Variants in GALNT10 observed in about 807,000 individuals in gnomAD.
The protein encoded by GALNT10 is GalNAc transferase 10.
A neutral mutation model predicts 75.0 loss-of-function variants in GALNT10; 41 were observed. The ratio of observed to expected loss-of-function variants is 0.55; its 90% confidence interval spans 0.43 to 0.71. The LOEUF is 0.71. GALNT10 is among the 30% of genes least tolerant of loss of function. GALNT10 has a pLI of 0.00. For synonymous variants in GALNT10, 302 were observed against 313.0 expected, an observed-to-expected ratio of 0.96 and a Z score of 0.37; for missense variants, 727 against 818.5, an observed-to-expected ratio of 0.89 and a Z score of 1.36.
chr5:154,294,976 TTG>T (rs70978534), intron 2 of GALNT10, 58 bp downstream of exon 2: 51,278 of 596,282 alleles, frequency 0.086, 95 homozygotes, highest in East Asian at 0.19. Flanking sequence ...GCACATATGC[TTG>T]TGTGTGTGTG....
At chr5:154,279,122 A>C (rs1753998156) in intron 1 of GALNT10, among the ~76,000 whole-genome samples, 1 of 152,184 alleles carries the variant, frequency 6.6e-6, no homozygotes, top group Non-Finnish European at 1.5e-5. Flanking sequence ...GAAACCACAA[A>C]AGTTTTTAAC....
intron 6 of GALNT10, among the ~76,000 whole-genome samples, chr5:154,381,107 GGTCT>G (rs1488561162): frequency 9.9e-5 from 15 of 152,202 alleles, no homozygotes; most frequent in African/African-American, 3.1e-4. Flanking sequence ...TACAAATGCA[GGTCT>G]GTCTGTCTGC....
chr5:154,334,987 C>G (rs1422068527), intron 4 of GALNT10, among the ~76,000 whole-genome samples: 1 of 152,198 alleles, frequency 6.6e-6, no homozygotes, highest in Non-Finnish European at 1.5e-5. Context: ...CCCCATCCCT[C>G]TTTGCATTTC....
At chr5:154,404,485 C>A in intron 8 of GALNT10, among the ~76,000 whole-genome samples, 1 of 152,270 alleles carries the variant, frequency 6.6e-6, no homozygotes, top group East Asian at 1.9e-4. Context: ...CCCAGCATTG[C>A]CAGGAGAATT....
chr5:154,363,307 C>T (rs899762205), intron 4 of GALNT10, among the ~76,000 whole-genome samples: 1 of 151,474 alleles, frequency 6.6e-6, no homozygotes, highest in African/African-American at 2.4e-5. Context: ...TTCAAAAATG[C>T]ATCATATTTA....
At chr5:154,401,506 A>T (rs534940082) in intron 7 of GALNT10, among the ~76,000 whole-genome samples, 1 of 152,334 alleles carries the variant, frequency 6.6e-6, no homozygotes, top group East Asian at 1.9e-4. Flanking sequence ...CGCCTGATCA[A>T]TATCTCCTGC....
intron 1 of GALNT10, among the ~76,000 whole-genome samples, chr5:154,196,457 A>C (rs928701267): frequency 3.9e-5 from 6 of 152,152 alleles, no homozygotes; most frequent in African/African-American, 1.4e-4. Context: ...CTGTGACTGT[A>C]GTTGGCTTCA....
At chr5:154,279,045 G>A (rs892480218) in intron 1 of GALNT10, among the ~76,000 whole-genome samples, 1 of 152,090 alleles carries the variant, frequency 6.6e-6, no homozygotes, top group Non-Finnish European at 1.5e-5. Context: ...CCTGCTTTCA[G>A]TTCTTTTAGA....
At chr5:154,251,568 A>G (rs1343979659) in intron 1 of GALNT10, among the ~76,000 whole-genome samples, 2 of 152,186 alleles carry the variant, frequency 1.3e-5, no homozygotes, top group Non-Finnish European at 2.9e-5. Flanking sequence ...CCATGTTTCT[A>G]CACCAGGAGG....
At chr5:154,195,855 A>G (rs904114558) in intron 1 of GALNT10, among the ~76,000 whole-genome samples, 1 of 152,140 alleles carries the variant, frequency 6.6e-6, no homozygotes, top group Non-Finnish European at 1.5e-5. Flanking sequence ...GCTGGAACCT[A>G]TCTGGCTATT....
At chr5:154,197,329 ACTT>A (rs1350934449) in intron 1 of GALNT10, among the ~76,000 whole-genome samples, 2 of 152,112 alleles carry the variant, frequency 1.3e-5, no homozygotes, top group Non-Finnish European at 2.9e-5. Flanking sequence ...CTGAAAAAGA[ACTT>A]CTGTCTCTGC....
At chr5:154,391,404 T>C (rs1043597382) in intron 7 of GALNT10, among the ~76,000 whole-genome samples, 4 of 152,186 alleles carry the variant, frequency 2.6e-5, no homozygotes, top group Admixed American at 6.5e-5. Flanking sequence ...CCCCAAAAAG[T>C]GTCCCAACAG....
At chr5:154,211,082 A>G (rs1316393978) in intron 1 of GALNT10, among the ~76,000 whole-genome samples, 1 of 152,226 alleles carries the variant, frequency 6.6e-6, no homozygotes, top group African/African-American at 2.4e-5. Flanking sequence ...AAATTATTTT[A>G]CAATAAAAAG....
At chr5:154,368,528 A>C (rs1263934923) in intron 4 of GALNT10, among the ~76,000 whole-genome samples, 2 of 152,242 alleles carry the variant, frequency 1.3e-5, no homozygotes, top group Non-Finnish European at 2.9e-5. Context: ...AAAAGTGTCC[A>C]TTATGCCTGA....
intron 7 of GALNT10, among the ~76,000 whole-genome samples, chr5:154,401,529 C>T (rs1328974992): frequency 1.3e-5 from 2 of 152,214 alleles, no homozygotes; most frequent in Non-Finnish European, 2.9e-5. Flanking sequence ...TGAAAATAAA[C>T]TTCTTGGTTT....
At position 154,409,880 on chromosome 5, in the gene GALNT10, C is replaced by T. The variant is rs559210822; in HGVS notation, c.1386+118C>T. On this transcript the variant is annotated intron_variant, in intron 9 of 11. Transcript: ENST00000297107. The surrounding 1 kb of genome is among the most constrained non-coding windows in gnomAD (Gnocchi z 4.5). ...GGGAGGAAAGGCGTGAATATAAAAT[C>T]GTTTCCTTTCTTTCCTGGTCTCTCT... The T allele has an allele frequency of 1.3e-5, 9 of 702,866 alleles. No homozygotes were observed. Among genetic ancestry groups the T allele is most frequent in the East Asian group, 7.6e-5 (3 of 39,484 alleles). The allele number at this position is 702,866 out of a possible 1,614,324, so 43.5% of individuals were successfully genotyped here. A position where few individuals can be genotyped will look rare whatever the true frequency, so the allele number is the denominator to read the frequency against.
rs181870200 is a variant in GALNT10, at chr5:154,266,859, C to T, written c.160-27957C>T. Among the ~76,000 whole-genome samples the T allele has an allele frequency of 2.9e-3, 443 of 152,268 alleles. 2 individuals carry two copies. The South Asian group carries it at 0.029, about 10-fold the overall frequency. On this transcript the variant is annotated intron_variant, in intron 1 of 11. Transcript: ENST00000297107. ...TTGTGCCATTGCACTCCAGCCTGGG[C>T]GACAGAGCAAGACCCTCTAAAACAA...
intron 8 of GALNT10, among the ~76,000 whole-genome samples, chr5:154,404,943 CAG>C (rs1344083651): frequency 6.6e-6 from 1 of 152,100 alleles, no homozygotes; most frequent in African/African-American, 2.4e-5. Context: ...ATCTGTCAGC[CAG>C]AGTTTGTTTT....
At chr5:154,368,523 T>C (rs1214412672) in intron 4 of GALNT10, among the ~76,000 whole-genome samples, 1 of 152,218 alleles carries the variant, frequency 6.6e-6, no homozygotes, top group African/African-American at 2.4e-5. Flanking sequence ...TCATCAAAAG[T>C]GTCCATTATG....
Sources: gnomAD v4.1 joint callset for allele counts (sites outside exome capture counted in the v4.1 genomes callset) on GRCh38, gnomAD v4.1.1 for gene constraint, Gnocchi (gnomAD v3.1) non-coding constraint, MANE v1.5 for transcripts, NCBI Gene and HGNC (gene_info 2026-07-23, HGNC 2026-07-21) for gene names.